Variants in ZNF547 observed in about 807,000 individuals in gnomAD.
ZNF547 encodes the protein zinc finger protein 547.
A neutral mutation model predicts 7.7 loss-of-function variants in ZNF547; 4 were observed. The observed-to-expected ratio is 0.52, with a 90% confidence interval of 0.26 to 1.20. ZNF547 has a LOEUF of 1.20. ZNF547 is among the 50% of genes most tolerant of loss of function. The pLI is 0.14. For synonymous variants in ZNF547, 166 were observed against 166.2 expected (o/e 1.00, Z 0.01); for missense variants, 449 against 485.8 (o/e 0.92, Z 0.71).
Position 57,377,401 on chromosome 19 carries a change from C to CAT in ZNF547, c.426_427dup (p.Phe143TyrfsTer3), listed in dbSNP as rs1389096813. The CAT allele has an allele frequency of 9.9e-6, 16 of 1,614,220 alleles. No individual in the cohort carries two copies. The highest frequency in any genetic ancestry group is 1.4e-5 in the Non-Finnish European group (16 of 1,180,052). On this transcript the variant is annotated frameshift_variant, in exon 4 of 4. Transcript: ENST00000282282. LOFTEE classifies it low-confidence loss of function (END_TRUNC). ...TCTAGAGGGGATGGAGGAAGACCGA[C>CAT]ATTTGTGAAGAACCACAGAGTTCAC...
chr19:57,364,430 C>G, intron 1 of ZNF547: 1 of 271,820 alleles, frequency 3.7e-6, no homozygotes, highest in Non-Finnish European at 7.2e-6. Context: ...CAGAGGAGAA[C>G]TGGTGTAGAT....
At chr19:57,375,067 C>G (rs904846091) in intron 3 of ZNF547, among the ~76,000 whole-genome samples, 1 of 152,222 alleles carries the variant, frequency 6.6e-6, no homozygotes, top group African/African-American at 2.4e-5. Flanking sequence ...AAGAAATACC[C>G]TGGCTGGGCA....
In ZNF547 at chr19:57,377,837, C is replaced by T; in HGVS notation, c.861C>T (p.Tyr287=). 6.2e-7 allele frequency: 1 copy of T among 1,613,404 alleles called. No individual in the cohort carries two copies. Among genetic ancestry groups the T allele is most frequent in the Non-Finnish European group, 8.5e-7 (1 of 1,179,904 alleles). ...FKCNSNLFRH[Y]RIHTGKRSYG... is the part of the protein sequence containing the mutation. ...GCAACTCAAACCTCTTTAGGCATTA[C>T]AGAATTCATACAGGAAAAAGGTCTT... is the stretch of plus-strand genomic sequence containing the variant. Residue 287 remains tyrosine, a synonymous_variant, in exon 4 of 4, where the codon TAC becomes TAT. Coordinates refer to ENST00000282282, the MANE Select transcript of ZNF547 (RefSeq NM_173631.4).
Position 57,371,923 on chromosome 19 carries a change from C to G in ZNF547, c.151+15C>G, listed in dbSNP as rs376842613. 6.3e-7 allele frequency: 1 copy of G among 1,587,998 alleles called. No individual in the cohort carries two copies. The highest frequency in any genetic ancestry group is 1.4e-5 in the African/African-American group (1 of 74,038). On this transcript the variant is annotated intron_variant, in intron 3 of 3. Transcript: ENST00000282282. ...GTCCTCACTAGGTAAGGCCCTCACACTTGCCCAGTGTCCTGGGTTGGGCTG... is the reference window on the plus strand; with the variant it reads ...GTCCTCACTAGGTAAGGCCCTCACAGTTGCCCAGTGTCCTGGGTTGGGCTG...
intron 3 of ZNF547, among the ~76,000 whole-genome samples, chr19:57,374,830 A>G (rs1361022392): frequency 2.0e-5 from 3 of 152,198 alleles, no homozygotes; most frequent in Non-Finnish European, 4.4e-5. Context: ...CCTGGGCTTC[A>G]TGGCCCATAT....
At chr19:57,375,206 C>T (rs535346132) in intron 3 of ZNF547, among the ~76,000 whole-genome samples, 3 of 151,644 alleles carry the variant, frequency 2.0e-5, no homozygotes, top group South Asian at 4.2e-4. Flanking sequence ...AAAAATTAGC[C>T]GGGTATGGTG....
intron 3 of ZNF547, among the ~76,000 whole-genome samples, chr19:57,373,445 C>G (rs1407014351): frequency 1.3e-5 from 2 of 151,440 alleles, no homozygotes; most frequent in Non-Finnish European, 2.9e-5. Flanking sequence ...CCCCCCCCAC[C>G]CAATTTTATG....
chr19:57,375,507 C>G (rs891207708), intron 3 of ZNF547, among the ~76,000 whole-genome samples: 4 of 151,568 alleles, frequency 2.6e-5, no homozygotes, highest in African/African-American at 9.7e-5. Context: ...ACAACAACAA[C>G]AAAAATTAGC....
At chr19:57,366,390 A>G (rs1025537378) in intron 1 of ZNF547, among the ~76,000 whole-genome samples, 1 of 150,520 alleles carries the variant, frequency 6.6e-6, no homozygotes, top group Non-Finnish European at 1.5e-5. Context: ...TTGTATTTTT[A>G]GTAGAGACAG....
intron 1 of ZNF547, among the ~76,000 whole-genome samples, chr19:57,366,039 A>G (rs2088467013): frequency 6.7e-6 from 1 of 148,404 alleles, no homozygotes; most frequent in African/African-American, 2.5e-5. Flanking sequence ...TAATTTTTGT[A>G]TTTTTAGTAA....
intron 2 of ZNF547, 75 bp downstream of exon 2, chr19:57,368,654 G>T: frequency 6.9e-7 from 1 of 1,443,348 alleles, no homozygotes; most frequent in Non-Finnish European, 9.7e-7. Context: ...GTAAAGAAAA[G>T]TGGTGTCCAG....
At chr19:57,372,314 G>A (rs971641074) in intron 3 of ZNF547, among the ~76,000 whole-genome samples, 14 of 152,182 alleles carry the variant, frequency 9.2e-5, no homozygotes, top group African/African-American at 3.1e-4. Context: ...GATTGTGTAG[G>A]ATGTAGAAAT....
chr19:57,374,720 CA>C (rs2088525896), intron 3 of ZNF547, among the ~76,000 whole-genome samples: 1 of 152,218 alleles, frequency 6.6e-6, no homozygotes, highest in Non-Finnish European at 1.5e-5. Flanking sequence ...ATATGTAGGG[CA>C]GGGGCAAGAA....
intron 1 of ZNF547, chr19:57,365,432 T>G (rs2088460198): frequency 1.7e-6 from 1 of 574,080 alleles, no homozygotes; most frequent in Non-Finnish European, 3.1e-6. Flanking sequence ...ATGTCACATA[T>G]CAGTAGATCA....
At chr19:57,365,587 C>T (rs1372871189) in intron 1 of ZNF547, among the ~76,000 whole-genome samples, 1 of 150,702 alleles carries the variant, frequency 6.6e-6, no homozygotes, top group African/African-American at 2.4e-5. Flanking sequence ...CGTCTCACTG[C>T]ACCCTCCGCC....
At chr19:57,374,867 C>T (rs372311231) in intron 3 of ZNF547, among the ~76,000 whole-genome samples, 13 of 152,204 alleles carry the variant, frequency 8.5e-5, no homozygotes, top group African/African-American at 3.1e-4. Context: ...TGATCAAAAC[C>T]ATTCATCAAG....
chr19:57,378,977 A>G lies in ZNF547; in HGVS notation c.*792A>G, dbSNP rs1372045995. 1 of 181,360 alleles carries G rather than the reference A, an allele frequency of 5.5e-6. No homozygotes were observed. Among genetic ancestry groups the G allele is most frequent in the Non-Finnish European group, 1.2e-5 (1 of 85,454 alleles). 11.2% of individuals were successfully genotyped at this position (181,360 alleles called of 1,614,324 possible). ...ATTATTTTTTTTCACTTAGGATAATATCCTCAAAGTTCATTCATTTTTTAG... is the reference window on the plus strand; with the variant it reads ...ATTATTTTTTTTCACTTAGGATAATGTCCTCAAAGTTCATTCATTTTTTAG... On this transcript the variant is annotated 3_prime_UTR_variant, in exon 4 of 4. Coordinates refer to ENST00000282282, the MANE Select transcript of ZNF547 (RefSeq NM_173631.4).
chr19:57,378,895 A>G lies in ZNF547; in HGVS notation c.*710A>G. On this transcript the variant is annotated 3_prime_UTR_variant, in exon 4 of 4. Coordinates refer to ENST00000282282, the MANE Select transcript of ZNF547 (RefSeq NM_173631.4). ...CTGGCGACCACCATATTTTTAAGTC[A>G]TTATGACTCTGACTATTCTTGGTAC... 1 of 272,188 alleles carries G rather than the reference A, an allele frequency of 3.7e-6. No homozygotes were observed. Among genetic ancestry groups the G allele is most frequent in the Non-Finnish European group, 7.3e-6 (1 of 136,810 alleles). 16.9% of individuals were successfully genotyped at this position (272,188 alleles called of 1,614,324 possible).
At chr19:57,366,828 C>T (rs2088473928) in intron 1 of ZNF547, among the ~76,000 whole-genome samples, 3 of 152,146 alleles carry the variant, frequency 2.0e-5, no homozygotes, top group African/African-American at 4.8e-5. Context: ...CATACGTGGA[C>T]GTTATGCATT....
Sources: allele counts gnomAD v4.1 joint callset (sites outside exome capture counted in the v4.1 genomes callset), GRCh38; gene constraint gnomAD v4.1.1; transcripts MANE v1.5; gene names NCBI Gene and HGNC (gene_info 2026-07-23, HGNC 2026-07-21).